The following FEZF1 variants were observed in gnomAD, a reference collection of about 807,000 sequenced individuals.
The protein encoded by FEZF1 is fez family zinc finger protein 1.
Under a neutral mutation model 32.4 loss-of-function variants are expected in FEZF1, and 8 were observed. The ratio of observed to expected loss-of-function variants is 0.25; its 90% confidence interval spans 0.15 to 0.45. FEZF1 has a LOEUF of 0.45. Ranked by LOEUF, FEZF1 falls within the 20% of genes least tolerant of loss-of-function variation. The pLI is 1.00. For missense variants in FEZF1, 546 were observed against 622.3 expected (o/e 0.88, Z 1.31); for synonymous variants, 259 against 265.2 (o/e 0.98, Z 0.23).
upstream of FEZF1, chr7:122,306,117 AAGGGCTGCACAG>A (rs113818592): frequency 0.03 from 4,621 of 152,416 alleles, 97 homozygotes; most frequent in African/African-American, 0.062. Context: ...GGCGCGCAGG[AAGGGCTGCACAG>A]AGTTTGAAGA....
intron 1 of FEZF1, 34 bp downstream of exon 1, chr7:122,303,603 G>A (rs1563042398): frequency 5.2e-6 from 7 of 1,346,240 alleles, no homozygotes; most frequent in Non-Finnish European, 6.2e-6. Flanking sequence ...GGAAGGGAGG[G>A]AAGGAAAGGA....
In FEZF1 at chr7:122,301,498, C is replaced by T. The variant is rs2031029344; in HGVS notation, c.*499G>A. The T allele has an allele frequency of 6.5e-6, 1 of 154,484 alleles. No individual in the cohort carries two copies. Among genetic ancestry groups the T allele is most frequent in the Non-Finnish European group, 1.4e-5 (1 of 69,986 alleles). The allele number at this position is 154,484 out of a possible 1,614,324, so 9.6% of individuals were successfully genotyped here. A position where few individuals can be genotyped will look rare whatever the true frequency, so the allele number is the denominator to read the frequency against. On this transcript the variant is annotated 3_prime_UTR_variant, in exon 4 of 4. Coordinates refer to ENST00000442488, the MANE Select transcript of FEZF1 (RefSeq NM_001024613.4). ...CATCTATGCGTGTATATATGACATA[C>T]ACACAGTGTTTTGTTACTTCAGGGA... is the stretch of plus-strand genomic sequence containing the variant.
chr7:122,303,936 C>A lies in FEZF1; in HGVS notation c.502G>T (p.Gly168Cys). The A allele has an allele frequency of 1.9e-6, 3 of 1,609,076 alleles. No individual in the cohort carries two copies. The highest frequency in any genetic ancestry group is 2.2e-5 in the East Asian group (1 of 44,626). The change falls in exon 1 of 4, where the codon GGC becomes TGC. Residue 168 changes from glycine (G) to cysteine (C), a missense_variant. Around this residue, in one of 3 missense-constraint regions of FEZF1, gnomAD observed 345 missense variants for 360.6 expected, o/e 0.96. Coordinates refer to ENST00000442488, the MANE Select transcript of FEZF1 (RefSeq NM_001024613.4). ...GALCYLNRGD[G>C]PCHPAAGVNI... ...ACGCCGGCTGCCGGGTGGCATGGGC[C>A]GTCACCTCGGTTCAGGTAGCACAAG... is the stretch of plus-strand genomic sequence containing the variant.
upstream of FEZF1, chr7:122,307,163 AAG>A (rs959313155): frequency 1.1e-4 from 17 of 152,172 alleles, no homozygotes; most frequent in African/African-American, 3.9e-4. Context: ...TGCTCAGACA[AAG>A]GGCACGGGAA....
chr7:122,309,365 T>C (rs1436925517), upstream of FEZF1, among the ~76,000 whole-genome samples: 1 of 152,202 alleles, frequency 6.6e-6, no homozygotes, highest in East Asian at 1.9e-4. Flanking sequence ...TAGACCTTTG[T>C]TGTTATTATT....
upstream of FEZF1, chr7:122,307,341 GC>G (rs2031313507): frequency 6.6e-6 from 1 of 152,406 alleles, no homozygotes; most frequent in Admixed American, 6.5e-5. Context: ...CCGCCACCGG[GC>G]TAGGTTGAAA....
rs374456539 is a variant in FEZF1 at position 122,304,394 on chromosome 7, G to A, written c.44C>T (p.Thr15Ile). The change falls in exon 1 of 4, where the codon ACT becomes ATT. Residue 15 changes from threonine to isoleucine, a missense_variant. Thr to Ile is a moderately conservative substitution (Grantham distance 89). Around this residue, in one of 3 missense-constraint regions of FEZF1, gnomAD observed 345 missense variants for 360.6 expected, o/e 0.96. Transcript: ENST00000442488. The stretch of plus-strand genomic sequence containing the variant: ...CATCATGTTGCCCCGAGCTGGAGCA[G>A]TCGCTAACATTTTGGTAGTCGCGTT... ...CHNATTKMLA[T>I]APARGNMMST... The A allele has an allele frequency of 1.3e-6, 2 of 1,586,570 alleles. No individual in the cohort carries two copies. Among genetic ancestry groups the A allele is most frequent in the Non-Finnish European group, 1.7e-6 (2 of 1,163,804 alleles).
At chr7:122,303,490 GA>G (rs2031121159) in intron 1 of FEZF1, 146 bp downstream of exon 1, 1 of 463,044 alleles carries the variant, frequency 2.2e-6, no homozygotes, top group Non-Finnish European at 3.7e-6. Flanking sequence ...AGGAAGGAAG[GA>G]AGGAAGGAAG....
chr7:122,303,219 C>T lies in FEZF1; in HGVS notation c.894G>A (p.Arg298=), dbSNP rs1584959402. The T allele has an allele frequency of 1.9e-6, 3 of 1,614,004 alleles. No individual in the cohort carries two copies. Among genetic ancestry groups the T allele is most frequent in the Non-Finnish European group, 8.5e-7 (1 of 1,180,042 alleles). ...TGTGCCTGCACAGGGTGCTTGCTTG[C>T]CTGAAACCTTTTCCGCACACTTTGC... ...FVCKVCGKGF[R]QASTLCRHKI... Residue 298 remains arginine (R), a synonymous_variant, in exon 2 of 4, where the codon AGG becomes AGA. Coordinates refer to ENST00000442488, the MANE Select transcript of FEZF1 (RefSeq NM_001024613.4).
Position 122,304,152 on chromosome 7 carries a change from G to C in FEZF1, c.286C>G (p.Arg96Gly). 6.2e-7 allele frequency: 1 copy of C among 1,602,366 alleles called. No homozygotes were observed. The highest frequency in any genetic ancestry group is 8.5e-7 in the Non-Finnish European group (1 of 1,173,096). The change falls in exon 1 of 4, where the codon CGG (arginine) becomes GGG (glycine). Residue 96 changes from arginine (R) to glycine (G), a missense_variant. Around this residue, in one of 3 missense-constraint regions of FEZF1, gnomAD observed 345 missense variants for 360.6 expected, o/e 0.96. Coordinates refer to ENST00000442488, the MANE Select transcript of FEZF1 (RefSeq NM_001024613.4). ...GCCGGGGCCTCCAGACTGGCCTTCC[G>C]CGGCTCGGAGCCCGTCACTCCTGCC... ...PKAGVTGSEPRKASLEAPAAP... is the reference protein window; with the variant it reads ...PKAGVTGSEPGKASLEAPAAP...
In FEZF1 at chr7:122,301,363, C is replaced by T. The variant is rs1281886848; in HGVS notation, c.*634G>A. The T allele has an allele frequency of 1.3e-5, 2 of 152,198 alleles. No homozygotes were observed. The highest frequency in any genetic ancestry group is 2.4e-5 in the African/African-American group (1 of 41,438). 9.4% of individuals were successfully genotyped at this position (152,198 alleles called of 1,614,324 possible). On this transcript the variant is annotated 3_prime_UTR_variant, in exon 4 of 4. Coordinates refer to ENST00000442488, the MANE Select transcript of FEZF1 (RefSeq NM_001024613.4). ...TTCCAACAGTCAATGAATCAATTTTCACGTGCAATAATCAAAACCAAAATT... is the reference window on the plus strand; with the variant it reads ...TTCCAACAGTCAATGAATCAATTTTTACGTGCAATAATCAAAACCAAAATT...
upstream of FEZF1, chr7:122,305,493 T>A (rs2031248002): frequency 1.3e-5 from 2 of 152,256 alleles, 1 homozygote; most frequent in South Asian, 4.1e-4. Context: ...TCCACAAAGT[T>A]GAGGAGTTGC....
chr7:122,310,567 G>A (rs1344400449), exon 1 of FEZF1: 1 of 152,326 alleles, frequency 6.6e-6, no homozygotes, highest in Non-Finnish European at 1.5e-5. Flanking sequence ...AAGCTTGGAG[G>A]CGGCTGGGAG....
rs751592031 is a variant in FEZF1, at chr7:122,302,374, A to G, written c.1070-19T>C. The stretch of plus-strand genomic sequence containing the variant: ...TAATTCCCTGAAACACACAAATGAC[A>G]GGAATATGGTTCTGAAAAAAAAAAT... On this transcript the variant is annotated intron_variant, in intron 3 of 3. Coordinates refer to ENST00000442488, the MANE Select transcript of FEZF1 (RefSeq NM_001024613.4). The surrounding 1 kb of genome is among the most constrained non-coding windows in gnomAD (Gnocchi z 4.4). 6.2e-7 allele frequency: 1 copy of G among 1,612,290 alleles called. No individual in the cohort carries two copies. The highest frequency in any genetic ancestry group is 1.4e-5 in the African/African-American group (1 of 73,480).
rs778154305 is a variant in FEZF1 at position 122,302,918 on chromosome 7, T to C, written c.950A>G (p.Lys317Arg). The C allele has an allele frequency of 1.2e-6, 2 of 1,608,766 alleles. No individual in the cohort carries two copies. Among genetic ancestry groups the C allele is most frequent in the Non-Finnish European group, 1.7e-6 (2 of 1,177,576 alleles). ...AAATGCTTTGCCACACTGGTTACAT[T>C]TGTGAGGTTTTTCCTAAGCAGGAGA... ...KIIHTQEKPHKCNQCGKAFNR... is the reference protein window; with the variant it reads ...KIIHTQEKPHRCNQCGKAFNR... The change falls in exon 3 of 4, where the codon AAA becomes AGA. Residue 317 changes from lysine to arginine, a missense_variant. By Grantham distance (26) the Lys-to-Arg change is conservative (BLOSUM62 2). This residue lies in a region of FEZF1 where 118 missense variants were observed against 188.7 expected (regional missense o/e 0.63). Transcript: ENST00000442488. The surrounding 1 kb of genome is among the most constrained non-coding windows in gnomAD (Gnocchi z 4.4).
At position 122,304,743 on chromosome 7, in the gene FEZF1, G is replaced by C. The variant is rs969122346; in HGVS notation, c.-306C>G. 9.7e-5 allele frequency: 34 copies of C among 349,990 alleles called. No individual in the cohort carries two copies. The East Asian group carries it at 1.3e-3, about 14-fold the overall frequency. 21.7% of individuals were successfully genotyped at this position (349,990 alleles called of 1,614,324 possible). ...CAATCGTTAACTTCCAAGAGGAGAA[G>C]GTAAACTAGATAATTGCTCAATTCG... On this transcript the variant is annotated 5_prime_UTR_variant, in exon 1 of 4. Transcript: ENST00000442488.
chr7:122,302,155 C>CG lies in FEZF1; in HGVS notation c.1269dup (p.Asp424ArgfsTer17). ...GTGCGGGCCAGCCCCAGGCTGCTGTCGTGCAGCTTGCGGACATGCTTCTTG... is the reference window on the plus strand; with the variant it reads ...GTGCGGGCCAGCCCCAGGCTGCTGTCGGTGCAGCTTGCGGACATGCTTCTTG... On this transcript the variant is annotated frameshift_variant, in exon 4 of 4. Transcript: ENST00000442488. LOFTEE classifies it high-confidence loss of function. This position sits in a 1 kb window ranked among gnomAD's most constrained non-coding sequence, Gnocchi z 4.4. 6.2e-7 allele frequency: 1 copy of CG among 1,614,182 alleles called. No individual in the cohort carries two copies. The highest frequency in any genetic ancestry group is 2.2e-5 in the East Asian group (1 of 44,870).
At chr7:122,306,413 G>GTCCC (rs2031283191), upstream of FEZF1, 1 of 152,208 alleles carries the variant, frequency 6.6e-6, no homozygotes, top group African/African-American at 2.4e-5. Flanking sequence ...GCATTATTAA[G>GTCCC]TCCCTGAGCA....
chr7:122,302,853 C>A lies in FEZF1; in HGVS notation c.1015G>T (p.Ala339Ser). The A allele has an allele frequency of 6.2e-7, 1 of 1,614,008 alleles. No individual in the cohort carries two copies. The highest frequency in any genetic ancestry group is 8.5e-7 in the Non-Finnish European group (1 of 1,179,984). ...STLNTHTRIHAGYKPFVCEFC... is the reference protein window; with the variant it reads ...STLNTHTRIHSGYKPFVCEFC... ...TCACACACAAACGGTTTGTAGCCCGCGTGTATTCGGGTATGAGTGTTTAAA... is the reference window on the plus strand; with the variant it reads ...TCACACACAAACGGTTTGTAGCCCGAGTGTATTCGGGTATGAGTGTTTAAA... The change falls in exon 3 of 4, where the codon GCG (alanine) becomes TCG (serine). Residue 339 changes from alanine (A) to serine (S), a missense_variant. This residue lies in a region of FEZF1 where 118 missense variants were observed against 188.7 expected (regional missense o/e 0.63). Transcript: ENST00000442488. The surrounding 1 kb of genome is among the most constrained non-coding windows in gnomAD (Gnocchi z 4.4).
Sources: gnomAD v4.1 joint callset for allele counts (sites outside exome capture counted in the v4.1 genomes callset) on GRCh38, gnomAD v4.1.1 for gene constraint, gnomAD v4.1.1 regional missense constraint, Gnocchi (gnomAD v3.1) non-coding constraint, MANE v1.5 for transcripts, NCBI Gene and HGNC (gene_info 2026-07-23, HGNC 2026-07-21) for gene names.